DCSTAMP: variants seen among roughly 807,000 people sequenced by gnomAD.
The protein encoded by DCSTAMP is dendritic cell-specific transmembrane protein.
A neutral mutation model predicts 33.8 loss-of-function variants in DCSTAMP; 25 were observed. The ratio of observed to expected loss-of-function variants is 0.74; its 90% CI spans 0.54 to 1.03. The LOEUF (loss-of-function observed/expected upper bound fraction) is 1.03, where lower values mean the gene tolerates loss of function less well. Ranked by LOEUF, DCSTAMP falls within the 50% of genes least tolerant of loss-of-function variation. DCSTAMP has a pLI of 0.00. For missense variants in DCSTAMP, 531 were observed against 556.8 expected (o/e 0.95, Z 0.47); for synonymous variants, 245 against 216.7 (o/e 1.13, Z -1.15).
rs750901832 is a variant in DCSTAMP at position 104,349,207 on chromosome 8, G to A, written c.655G>A (p.Gly219Arg). Reference sequence around the variant, plus strand: ...GGGTCAGAAGCTACTTGCCTTTGCAGGGCTTTCGCTCGTCCTGCTTGGCAC... The same window carrying A: ...GGGTCAGAAGCTACTTGCCTTTGCAAGGCTTTCGCTCGTCCTGCTTGGCAC... Reference protein sequence around the residue: ...SLGQKLLAFAGLSLVLLGTGL... With the variant: ...SLGQKLLAFARLSLVLLGTGL... The change falls in exon 2 of 4, where the codon GGG becomes AGG. Residue 219 changes from glycine (G) to arginine (R), a missense_variant. Transcript: ENST00000297581. 3 of 1,614,248 alleles carry A rather than the reference G, an allele frequency of 1.9e-6. No individual in the cohort carries two copies. The highest frequency in any genetic ancestry group is 2.5e-6 in the Non-Finnish European group (3 of 1,180,052).
intron 1 of DCSTAMP, among the ~76,000 whole-genome samples, chr8:104,344,889 G>A (rs1216462694): frequency 6.6e-6 from 1 of 152,186 alleles, no homozygotes; most frequent in Non-Finnish European, 1.5e-5. Flanking sequence ...GGAGGCATGG[G>A]TGGCGTCACC....
chr8:104,340,873 T>C (rs967995790), intron 1 of DCSTAMP, among the ~76,000 whole-genome samples: 68 of 152,328 alleles, frequency 4.5e-4, no homozygotes, highest in African/African-American at 1.6e-3. Flanking sequence ...CCGGCAGGGC[T>C]GGTTGAGGAG....
intron 2 of DCSTAMP, among the ~76,000 whole-genome samples, chr8:104,350,487 T>C (rs1810430051): frequency 6.6e-6 from 1 of 152,206 alleles, no homozygotes; most frequent in Admixed American, 6.5e-5. Flanking sequence ...GCTCCTAAGT[T>C]ACCCAGTAAA....
At chr8:104,353,375 C>T (rs759113542) in intron 2 of DCSTAMP, among the ~76,000 whole-genome samples, 9 of 152,198 alleles carry the variant, frequency 5.9e-5, no homozygotes, top group African/African-American at 9.6e-5. Context: ...TTGACTCAGC[C>T]GTTCTGAAGC....
chr8:104,349,533 G>A lies in DCSTAMP; in HGVS notation c.981G>A (p.Gln327=), dbSNP rs779949047. ...LYRLIFSVSK[Q]FQSLPGFEVH... is the part of the protein sequence containing the mutation. ...GGCTCATTTTCTCAGTGAGCAAGCAGTTTCAAAGCTTGCCAGGGTTTGAGG... is the reference window on the plus strand; with the variant it reads ...GGCTCATTTTCTCAGTGAGCAAGCAATTTCAAAGCTTGCCAGGGTTTGAGG... Residue 327 remains glutamine, a synonymous_variant, in exon 2 of 4, where the codon CAG becomes CAA. Transcript: ENST00000297581. The A allele has an allele frequency of 8.7e-6, 14 of 1,613,772 alleles. No individual in the cohort carries two copies. The African/African-American group carries it at 9.3e-5, about 11-fold the overall frequency.
At chr8:104,341,422 A>G (rs2099382818) in intron 1 of DCSTAMP, among the ~76,000 whole-genome samples, 1 of 152,222 alleles carries the variant, frequency 6.6e-6, no homozygotes, top group Non-Finnish European at 1.5e-5. Context: ...AGGTGGCCAA[A>G]CAGAGCTCTG....
At position 104,347,072 on chromosome 8, in the gene DCSTAMP, A is replaced by G. The variant is rs375502400; in HGVS notation, c.-12-1469A>G. 1.2e-3 allele frequency among the ~76,000 whole-genome samples: 182 copies of G among 151,818 alleles called. No homozygotes were observed. The Middle Eastern group carries it at 0.031, about 26-fold the overall frequency. ...ATTAGATATTTTCATGTCAATCAGG[A>G]GAGAATATCAAATTTATTTTATATA... On this transcript the variant is annotated intron_variant, in intron 1 of 3. Transcript: ENST00000297581.
In DCSTAMP at chr8:104,349,238, T is replaced by C; in HGVS notation, c.686T>C (p.Leu229Pro). 6.2e-7 allele frequency: 1 copy of C among 1,614,196 alleles called. No homozygotes were observed. The highest frequency in any genetic ancestry group is 8.5e-7 in the Non-Finnish European group (1 of 1,180,036). ...GLSLVLLGTG[L>P]FMKRFLGPCG... ...TCGCTCGTCCTGCTTGGCACTGGCC[T>C]CTTCATGAAGCGATTTTTGGGCCCT... Residue 229 changes from leucine (L) to proline (P), a missense_variant, in exon 2 of 4, where the codon CTC becomes CCC. Physicochemically the swap from Leu to Pro is moderately conservative, Grantham distance 98. Transcript: ENST00000297581.
rs1432538146 is a variant in DCSTAMP, at chr8:104,348,506, G to A, written c.-12-35G>A. ...TACGAAGGTCAGAGGACATTCAAAA[G>A]TAATTTCTGACCTTGGTTTCTTTTT... On this transcript the variant is annotated intron_variant, in intron 1 of 3. Coordinates refer to ENST00000297581, the MANE Select transcript of DCSTAMP (RefSeq NM_030788.4). 3 of 1,575,094 alleles carry A rather than the reference G, an allele frequency of 1.9e-6. No homozygotes were observed. In the East Asian group the frequency reaches 6.7e-5, roughly 35 times the overall value.
chr8:104,349,016 C>A lies in DCSTAMP; in HGVS notation c.464C>A (p.Ala155Asp), dbSNP rs1242656583. The change falls in exon 2 of 4, where the codon GCC becomes GAC. Residue 155 changes from alanine to aspartate, a missense_variant. Coordinates refer to ENST00000297581, the MANE Select transcript of DCSTAMP (RefSeq NM_030788.4). ...GCAATTCAGTGGATTTATGGCCTTGCCACTCCACTAAGTGTATTTGATGAC... is the reference window on the plus strand; with the variant it reads ...GCAATTCAGTGGATTTATGGCCTTGACACTCCACTAAGTGTATTTGATGAC... ...IEAIQWIYGL[A>D]TPLSVFDDLV... 9.3e-6 allele frequency: 15 copies of A among 1,614,076 alleles called. No individual in the cohort carries two copies. The highest frequency in any genetic ancestry group is 1.2e-5 in the Non-Finnish European group (14 of 1,180,042).
rs757006540 is a variant in DCSTAMP, at chr8:104,348,765, G to T, written c.213G>T (p.Leu71=). Residue 71 remains leucine (L), a synonymous_variant, in exon 2 of 4, where the codon CTG becomes CTT. Coordinates refer to ENST00000297581, the MANE Select transcript of DCSTAMP (RefSeq NM_030788.4). The stretch of plus-strand genomic sequence containing the variant: ...CCTCCTGGATTATCACGTGTGTTCT[G>T]CTGTGTTGCTCCAAGCATGCACGAT... The part of the protein sequence containing the change: ...AAASWIITCV[L]LCCSKHARCF... 6.8e-6 allele frequency: 11 copies of T among 1,614,182 alleles called. No homozygotes were observed. The highest frequency in any genetic ancestry group is 3.3e-5 in the Admixed American group (2 of 60,026).
Position 104,349,356 on chromosome 8 carries a change from G to T in DCSTAMP, c.804G>T (p.Pro268=). The T allele has an allele frequency of 6.2e-7, 1 of 1,614,154 alleles. No homozygotes were observed. Among genetic ancestry groups the T allele is most frequent in the Non-Finnish European group, 8.5e-7 (1 of 1,180,018 alleles). The change falls in exon 2 of 4, where the codon CCG becomes CCT. Residue 268 remains proline (P), a synonymous_variant. Transcript: ENST00000297581. Reference sequence around the variant, plus strand: ...ATCAACAGAGGCCCTGTGTGCTCCCGCTGAATAAGGAGGAAAGGAGGAAGT... The same window carrying T: ...ATCAACAGAGGCCCTGTGTGCTCCCTCTGAATAAGGAGGAAAGGAGGAAGT... The part of the protein sequence containing the change: ...ERHQQRPCVL[P]LNKEERRKYV...
chr8:104,354,985 C>T lies in DCSTAMP; in HGVS notation c.1138C>T (p.Leu380Phe), dbSNP rs1227515699. Reference protein sequence around the residue: ...KFLLSETWVPLSVILLILVML... With the variant: ...KFLLSETWVPFSVILLILVML... ...CCTTCTATCTGAGACCTGGGTTCCT[C>T]TCAGTGTTATTCTTTTGATATTAGT... Residue 380 changes from leucine to phenylalanine, a missense_variant, in exon 3 of 4, where the codon CTC (leucine) becomes TTC (phenylalanine). Transcript: ENST00000297581. 6 of 1,614,126 alleles carry T rather than the reference C, an allele frequency of 3.7e-6. No homozygotes were observed. The highest frequency in any genetic ancestry group is 4.2e-6 in the Non-Finnish European group (5 of 1,179,968).
intron 1 of DCSTAMP, among the ~76,000 whole-genome samples, chr8:104,344,649 G>A (rs563498170): frequency 9.2e-5 from 14 of 152,230 alleles, no homozygotes; most frequent in East Asian, 3.9e-4. Context: ...CAGTGATCAC[G>A]TACTCAAGTC....
At chr8:104,352,266 C>T (rs1810481809) in intron 2 of DCSTAMP, among the ~76,000 whole-genome samples, 1 of 152,226 alleles carries the variant, frequency 6.6e-6, no homozygotes, top group Non-Finnish European at 1.5e-5. Context: ...GCCTGGGCTG[C>T]TTCTCAGAGT....
intron 1 of DCSTAMP, among the ~76,000 whole-genome samples, chr8:104,346,813 A>G (rs1810327078): frequency 6.6e-6 from 1 of 152,174 alleles, no homozygotes; most frequent in Non-Finnish European, 1.5e-5. Context: ...CGTTAACCTC[A>G]TTCGGCCTGA....
intron 2 of DCSTAMP, among the ~76,000 whole-genome samples, 179 bp from the exon 3 acceptor site, chr8:104,354,698 G>A (rs1036666775): frequency 2.6e-5 from 4 of 152,144 alleles, no homozygotes; most frequent in Non-Finnish European, 5.9e-5. Flanking sequence ...TTACAAATAA[G>A]ACACATCTCT....
intron 1 of DCSTAMP, among the ~76,000 whole-genome samples, chr8:104,344,486 A>G (rs1337727995): frequency 6.6e-6 from 1 of 152,186 alleles, no homozygotes; most frequent in Non-Finnish European, 1.5e-5. Flanking sequence ...AGACAGTTCT[A>G]TCCAACAGCG....
intron 2 of DCSTAMP, among the ~76,000 whole-genome samples, chr8:104,352,367 G>T (rs1763208043): frequency 6.6e-6 from 1 of 152,160 alleles, no homozygotes; most frequent in South Asian, 2.1e-4. Context: ...GGTGGATAAT[G>T]GAAGTAGTGT....
Sources: allele counts gnomAD v4.1 joint callset (sites outside exome capture counted in the v4.1 genomes callset), GRCh38; gene constraint gnomAD v4.1.1; transcripts MANE v1.5; gene names NCBI Gene and HGNC (gene_info 2026-07-23, HGNC 2026-07-21).